CACNA1A: variants seen among roughly 807,000 people sequenced by gnomAD.
CACNA1A encodes voltage-dependent P/Q-type calcium channel subunit alpha-1A.
In CACNA1A, 57 loss-of-function variants were observed where a neutral mutation model predicts 262.4. The ratio of observed to expected loss-of-function variants is 0.22; its 90% CI spans 0.18 to 0.27. CACNA1A has a LOEUF of 0.27. Ranked by LOEUF, CACNA1A falls within the 10% of genes least tolerant of loss-of-function variation. The pLI is 1.00. For missense variants in CACNA1A, 2,526 were observed against 3,562.8 expected (o/e 0.71, Z 7.41); for synonymous variants, 1,431 against 1,419.3 (o/e 1.01, Z -0.18).
At chr19:13,411,477 C>T (rs546360265) in intron 3 of CACNA1A, among the ~76,000 whole-genome samples, 1 of 152,298 alleles carries the variant, frequency 6.6e-6, no homozygotes, top group Non-Finnish European at 1.5e-5. Context: ...TTGCCTGCTG[C>T]CATGTAAGAC....
chr19:13,382,796 T>C (rs775668074), intron 3 of CACNA1A, among the ~76,000 whole-genome samples: 2 of 152,136 alleles, frequency 1.3e-5, no homozygotes, highest in Non-Finnish European at 2.9e-5. Flanking sequence ...GGTTTATATA[T>C]AGCTGCCATT....
intron 3 of CACNA1A, among the ~76,000 whole-genome samples, chr19:13,398,372 G>T (rs1747546722): frequency 6.6e-6 from 1 of 152,152 alleles, no homozygotes; most frequent in Non-Finnish European, 1.5e-5. Context: ...ACAGCTGCAA[G>T]CATATCTAAT....
intron 10 of CACNA1A, among the ~76,000 whole-genome samples, chr19:13,326,784 G>C (rs2058370518): frequency 2.9e-5 from 2 of 68,594 alleles, no homozygotes; most frequent in African/African-American, 1.3e-4. Flanking sequence ...GCAAGACACT[G>C]TCTCAAAAAA....
At chr19:13,328,063 TAA>T (rs1369476571) in intron 10 of CACNA1A, among the ~76,000 whole-genome samples, 3 of 151,974 alleles carry the variant, frequency 2.0e-5, no homozygotes, top group Non-Finnish European at 4.4e-5. Context: ...AATGCCTGGC[TAA>T]GTTTTTCAAC....
intron 3 of CACNA1A, among the ~76,000 whole-genome samples, chr19:13,395,999 G>T (rs1404978788): frequency 6.6e-6 from 1 of 152,206 alleles, no homozygotes; most frequent in African/African-American, 2.4e-5. Context: ...TCCATACTTT[G>T]TTGAACCTAA....
intron 3 of CACNA1A, among the ~76,000 whole-genome samples, chr19:13,393,191 T>C (rs2059740560): frequency 6.6e-6 from 1 of 152,166 alleles, no homozygotes; most frequent in Non-Finnish European, 1.5e-5. Flanking sequence ...TCTGAGTGTG[T>C]TCAAAGTAGC....
intron 22 of CACNA1A, among the ~76,000 whole-genome samples, chr19:13,281,129 C>T (rs2057278957): frequency 6.6e-6 from 1 of 151,712 alleles, no homozygotes; most frequent in Non-Finnish European, 1.5e-5. Flanking sequence ...GCCTGTAATT[C>T]CAGAGCTCTG....
At chr19:13,491,072 C>T (rs1239131158) in intron 1 of CACNA1A, among the ~76,000 whole-genome samples, 1 of 152,194 alleles carries the variant, frequency 6.6e-6, no homozygotes, top group East Asian at 1.9e-4. Flanking sequence ...CCTTAACCAT[C>T]GTCCCGCGAC....
chr19:13,293,970 A>T (rs2057602559), intron 19 of CACNA1A, among the ~76,000 whole-genome samples: 1 of 152,050 alleles, frequency 6.6e-6, no homozygotes, highest in Non-Finnish European at 1.5e-5. Flanking sequence ...TGTCTTTCAA[A>T]AACTCTTCCT....
chr19:13,217,651 G>A (rs1275518743), intron 38 of CACNA1A, among the ~76,000 whole-genome samples: 1 of 152,156 alleles, frequency 6.6e-6, no homozygotes, highest in Non-Finnish European at 1.5e-5. Context: ...AGTGGCATCT[G>A]GGGTACAAGT....
chr19:13,478,328 C>T (rs1170110667), intron 1 of CACNA1A, among the ~76,000 whole-genome samples: 1 of 152,042 alleles, frequency 6.6e-6, no homozygotes, highest in Non-Finnish European at 1.5e-5. Context: ...GTTGTTGTTG[C>T]TGTCATTTTT....
intron 9 of CACNA1A, among the ~76,000 whole-genome samples, chr19:13,331,396 C>G (rs2058466144): frequency 6.6e-6 from 1 of 151,490 alleles, no homozygotes; most frequent in South Asian, 2.1e-4. Flanking sequence ...GCCATGACAC[C>G]TAGCTAATTT....
intron 3 of CACNA1A, chr19:13,451,384 G>A (rs2060911756): frequency 6.6e-6 from 1 of 152,222 alleles, no homozygotes. Context: ...TGAAAAAGGT[G>A]TCCAGTGAAG....
At chr19:13,415,134 G>A (rs966111343) in intron 3 of CACNA1A, among the ~76,000 whole-genome samples, 31 of 151,998 alleles carry the variant, frequency 2.0e-4, no homozygotes, top group African/African-American at 7.5e-4. Context: ...GAGCTTAAAG[G>A]AGTCAGGGCA....
chr19:13,260,333 T>TATACATATATATATATATATATA (rs201167508), intron 26 of CACNA1A: 2 of 47,854 alleles, frequency 4.2e-5, no homozygotes, highest in East Asian at 2.7e-4. Flanking sequence ...TATATATATA[T>TATACATATATATATATATATATA]TTTTGTTGTT....
At chr19:13,247,741 T>TAAATAAAA (rs1199585913) in intron 30 of CACNA1A, among the ~76,000 whole-genome samples, 2 of 151,514 alleles carry the variant, frequency 1.3e-5, no homozygotes, top group Non-Finnish European at 2.9e-5. Context: ...AATAAATAAA[T>TAAATAAAA]AAAAAGGAAT....
At chr19:13,430,668 C>T (rs2060490336) in intron 3 of CACNA1A, among the ~76,000 whole-genome samples, 1 of 152,150 alleles carries the variant, frequency 6.6e-6, no homozygotes, top group Admixed American at 6.5e-5. Context: ...GTTCTAGGCT[C>T]TGGGGGAATA....
intron 3 of CACNA1A, among the ~76,000 whole-genome samples, chr19:13,446,326 A>C (rs557916598): frequency 1.7e-4 from 26 of 151,288 alleles, no homozygotes; most frequent in African/African-American, 6.1e-4. Flanking sequence ...AATATATTTG[A>C]GTCCCCTCCT....
intron 3 of CACNA1A, chr19:13,451,039 G>A (rs939656280): frequency 2.0e-5 from 3 of 152,132 alleles, no homozygotes; most frequent in Admixed American, 6.6e-5. Context: ...TAAGAGAAAA[G>A]TGCCCAGTAC....
Sources: gnomAD v4.1 joint callset for allele counts (sites outside exome capture counted in the v4.1 genomes callset) on GRCh38, gnomAD v4.1.1 for gene constraint, MANE v1.5 for transcripts, NCBI Gene and HGNC (gene_info 2026-07-23, HGNC 2026-07-21) for gene names.